The following GLIS1 variants were observed in gnomAD, a reference collection of about 807,000 sequenced individuals.
The protein encoded by GLIS1 is zinc finger protein GLIS1.
In GLIS1, 24 loss-of-function variants were observed where a neutral mutation model predicts 63.8. The observed-to-expected ratio is 0.38, with a 90% confidence interval of 0.27 to 0.53. The LOEUF (loss-of-function observed/expected upper bound fraction) is 0.53, where lower values mean the gene tolerates loss of function less well. Ranked by LOEUF, GLIS1 falls within the 20% of genes least tolerant of loss-of-function variation. The pLI is 0.85. For synonymous variants in GLIS1, 450 were observed against 482.5 expected, an observed-to-expected ratio of 0.93 and a Z score of 0.88; for missense variants, 1,036 against 1,074.1, an observed-to-expected ratio of 0.96 and a Z score of 0.50.
intron 5 of GLIS1, 52 bp downstream of exon 5, chr1:53,529,739 A>C (rs1352121288): frequency 7.7e-6 from 12 of 1,559,578 alleles, no homozygotes; most frequent in African/African-American, 1.4e-5. Flanking sequence ...AATGAGTGGC[A>C]GGTGTGTGGC....
chr1:53,684,474 G>A (rs1463125899), intron 2 of GLIS1, among the ~76,000 whole-genome samples: 2 of 152,120 alleles, frequency 1.3e-5, no homozygotes, highest in Admixed American at 1.3e-4. Context: ...CACTGCAGGT[G>A]AGCCTCACTT....
intron 4 of GLIS1, among the ~76,000 whole-genome samples, chr1:53,566,327 T>C (rs892275370): frequency 2.6e-5 from 4 of 152,164 alleles, no homozygotes; most frequent in South Asian, 2.1e-4. Flanking sequence ...AAAGTATATG[T>C]AGAAAATCCA....
chr1:53,630,294 T>C (rs1645638042), intron 2 of GLIS1, among the ~76,000 whole-genome samples: 1 of 152,196 alleles, frequency 6.6e-6, no homozygotes, highest in Admixed American at 6.5e-5. Context: ...CCATTATAAA[T>C]AATGCTGTGA....
At chr1:53,633,594 T>C (rs574459077) in intron 2 of GLIS1, among the ~76,000 whole-genome samples, 4 of 152,006 alleles carry the variant, frequency 2.6e-5, no homozygotes, top group Admixed American at 2.6e-4. Context: ...TTTACCTCCA[T>C]GTCTGGAAGA....
chr1:53,532,146 T>A (rs1244673096), intron 4 of GLIS1, among the ~76,000 whole-genome samples: 1 of 152,002 alleles, frequency 6.6e-6, no homozygotes, highest in African/African-American at 2.4e-5. Context: ...TGGAGACACT[T>A]CTCCTAAAGA....
chr1:53,572,852 G>A (rs145212239), intron 4 of GLIS1, among the ~76,000 whole-genome samples: 1 of 152,312 alleles, frequency 6.6e-6, no homozygotes, highest in East Asian at 1.9e-4. Context: ...CTGTCTCAGG[G>A]GTGAAGGCTC....
At chr1:53,669,270 A>G (rs1253371642) in intron 2 of GLIS1, among the ~76,000 whole-genome samples, 1 of 152,186 alleles carries the variant, frequency 6.6e-6, no homozygotes, top group African/African-American at 2.4e-5. Context: ...CTCAAGTGCC[A>G]TGGGGGCTAC....
chr1:53,651,573 T>G (rs1274905058), intron 2 of GLIS1, among the ~76,000 whole-genome samples: 5 of 152,114 alleles, frequency 3.3e-5, no homozygotes, highest in Non-Finnish European at 7.3e-5. Flanking sequence ...CTGTCATCCT[T>G]TTGTTCAATA....
intron 2 of GLIS1, among the ~76,000 whole-genome samples, chr1:53,673,704 C>T (rs906197800): frequency 2.6e-5 from 4 of 152,200 alleles, no homozygotes; most frequent in South Asian, 2.1e-4. Context: ...AACAAAAGAA[C>T]GAAGTTCAAT....
Position 53,533,961 on chromosome 1 carries a change from G to A in GLIS1, c.1321-4009C>T, listed in dbSNP as rs1644557178. Among the ~76,000 whole-genome samples the A allele has an allele frequency of 5.3e-5, 8 of 152,140 alleles. 1 individual carries two copies. The South Asian group carries it at 1.7e-3, about 31-fold the overall frequency. ...TGTCTCCACTGACAGATGGGGAGCT[G>A]ATGCTCAGGGTGCAGCCAGCACAGG... On this transcript the variant is annotated intron_variant, in intron 4 of 10. Transcript: ENST00000628545.
intron 2 of GLIS1, among the ~76,000 whole-genome samples, chr1:53,683,791 ACAC>A (rs1278232792): frequency 2.7e-4 from 41 of 152,164 alleles, no homozygotes; most frequent in Non-Finnish European, 2.1e-4. Flanking sequence ...ACCCTCAAGC[ACAC>A]AGTGGGTGGT....
At chr1:53,700,567 G>A (rs1006383075) in intron 2 of GLIS1, among the ~76,000 whole-genome samples, 4 of 152,194 alleles carry the variant, frequency 2.6e-5, no homozygotes, top group Admixed American at 6.5e-5. Context: ...CCCAGAAGGG[G>A]TGGAGGGGTC....
At chr1:53,571,681 A>G (rs1323634244) in intron 4 of GLIS1, among the ~76,000 whole-genome samples, 1 of 151,864 alleles carries the variant, frequency 6.6e-6, no homozygotes, top group African/African-American at 2.4e-5. Context: ...GGTTCATGCC[A>G]TTCTCCTGCC....
intron 2 of GLIS1, among the ~76,000 whole-genome samples, chr1:53,684,532 G>C (rs1557520531): frequency 6.6e-6 from 1 of 152,142 alleles, no homozygotes; most frequent in African/African-American, 2.4e-5. Flanking sequence ...CACCAGGGTG[G>C]GTGGCTGTTC....
intron 2 of GLIS1, among the ~76,000 whole-genome samples, chr1:53,699,029 TTTTTG>T (rs1285349646): frequency 6.6e-6 from 1 of 151,088 alleles, no homozygotes; most frequent in Admixed American, 6.6e-5. Context: ...CCATGATTGT[TTTTTG>T]TTTTGTTTTT....
chr1:53,531,840 C>T (rs1644534313), intron 4 of GLIS1, among the ~76,000 whole-genome samples: 1 of 152,168 alleles, frequency 6.6e-6, no homozygotes, highest in Non-Finnish European at 1.5e-5. Context: ...GGCAATTCCC[C>T]CAACACTGAT....
At chr1:53,599,206 A>G (rs1441375006) in intron 3 of GLIS1, among the ~76,000 whole-genome samples, 1 of 152,132 alleles carries the variant, frequency 6.6e-6, no homozygotes, top group East Asian at 1.9e-4. Flanking sequence ...TCCCAAACTC[A>G]TGCTGAAACT....
At chr1:53,666,601 C>G (rs1646093667) in intron 2 of GLIS1, among the ~76,000 whole-genome samples, 1 of 152,212 alleles carries the variant, frequency 6.6e-6, no homozygotes. Flanking sequence ...TCTGCCCACT[C>G]TTGGGGATCC....
chr1:53,715,904 G>C (rs111673908), intron 2 of GLIS1, among the ~76,000 whole-genome samples: 3 of 152,164 alleles, frequency 2.0e-5, no homozygotes, highest in African/African-American at 7.2e-5. Flanking sequence ...GGCAGGAGGG[G>C]GATTAGACGC....
Sources: gnomAD v4.1 joint callset for allele counts (sites outside exome capture counted in the v4.1 genomes callset) on GRCh38, gnomAD v4.1.1 for gene constraint, MANE v1.5 for transcripts, NCBI Gene and HGNC (gene_info 2026-07-23, HGNC 2026-07-21) for gene names.